Variants in VWA8 observed in about 807,000 individuals in gnomAD.
The protein encoded by VWA8 is von Willebrand factor A domain containing 8, also known as von Willebrand factor A domain-containing protein 8.
VWA8 carries 221 observed loss-of-function variants against 241.5 expected under a neutral mutation model. That is an observed-to-expected ratio of 0.91 (90% confidence interval 0.82 to 1.02). VWA8 has a LOEUF of 1.02. Among genes scored for constraint, VWA8 ranks in the 50% least tolerant of loss-of-function variants. VWA8 has a pLI of 0.00. For synonymous variants in VWA8, 852 were observed against 827.1 expected (o/e 1.03, Z -0.52); for missense variants, 2,322 against 2,328.7 (o/e 1.00, Z 0.06).
intron 2 of VWA8, among the ~76,000 whole-genome samples, chr13:41,939,025 C>T (rs1877476711): frequency 6.6e-6 from 1 of 152,156 alleles, no homozygotes; most frequent in African/African-American, 2.4e-5. Flanking sequence ...TGTCAAAACT[C>T]ACCATTTAAA....
chr13:41,696,116 A>G (rs1769391115), intron 29 of VWA8: 1 of 152,228 alleles, frequency 6.6e-6, no homozygotes, highest in African/African-American at 2.4e-5. Flanking sequence ...CAATGGCATC[A>G]ATACTTTGTT....
chr13:41,593,609 C>G (rs950568205), intron 40 of VWA8, among the ~76,000 whole-genome samples: 4 of 152,194 alleles, frequency 2.6e-5, no homozygotes, highest in Non-Finnish European at 5.9e-5. Context: ...CATTTCTGTT[C>G]TCTAGTGTGG....
intron 7 of VWA8, 95 bp from the exon 8 acceptor site, chr13:41,886,123 A>G: frequency 1.2e-6 from 1 of 808,232 alleles, no homozygotes; most frequent in Non-Finnish European, 1.9e-6. Context: ...AATTAATCTA[A>G]AAAAGATCCC....
intron 12 of VWA8, among the ~76,000 whole-genome samples, chr13:41,855,894 T>G (rs1322840520): frequency 6.6e-6 from 1 of 152,238 alleles, no homozygotes; most frequent in Non-Finnish European, 1.5e-5. Flanking sequence ...TGTCTGCTTT[T>G]CTACTATAAT....
At position 41,833,416 on chromosome 13, in the gene VWA8, T is replaced by C. The variant is rs1490660402; in HGVS notation, c.1541A>G (p.Asp514Gly). The C allele has an allele frequency of 6.2e-7, 1 of 1,613,858 alleles. No homozygotes were observed. Among genetic ancestry groups the C allele is most frequent in the Non-Finnish European group, 8.5e-7 (1 of 1,179,914 alleles). Residue 514 changes from aspartate to glycine, a missense_variant, in exon 13 of 45, where the codon GAT (aspartate) becomes GGT (glycine). By Grantham distance (94) the Asp-to-Gly change is moderately conservative (BLOSUM62 -1). Transcript: ENST00000379310. Reference protein sequence around the residue: ...AALEGKLVLLDGIHRVNAGTL... With the variant: ...AALEGKLVLLGGIHRVNAGTL... ...GCCCGCATTCACCCGGTGAATGCCA[T>C]CCAGCAGGACCAGCTTGCCTTCCAG...
intron 9 of VWA8, among the ~76,000 whole-genome samples, chr13:41,875,322 CT>C (rs1184618258): frequency 2.6e-5 from 4 of 152,032 alleles, no homozygotes; most frequent in Non-Finnish European, 5.9e-5. Flanking sequence ...TGAAAATGTC[CT>C]TTTCCACCTC....
At chr13:41,758,062 A>T (rs2045706561) in intron 21 of VWA8, among the ~76,000 whole-genome samples, 1 of 151,396 alleles carries the variant, frequency 6.6e-6, no homozygotes, top group Non-Finnish European at 1.5e-5. Flanking sequence ...AACACTATAT[A>T]GCAGAGATAC....
Position 41,945,857 on chromosome 13 carries a change from T to C in VWA8, c.241+4079A>G, listed in dbSNP as rs1047705374. Among the ~76,000 whole-genome samples the C allele has an allele frequency of 2.9e-4, 44 of 151,856 alleles. 1 individual carries two copies. The highest frequency in any genetic ancestry group is 1.1e-3 in the African/African-American group (44 of 41,414). On this transcript the variant is annotated intron_variant, in intron 2 of 44. Coordinates refer to ENST00000379310, the MANE Select transcript of VWA8 (RefSeq NM_015058.2). Reference sequence around the variant, plus strand: ...AGAATAAATAAATAATAATGAAAAATAATAGCCAAAATTTTGCCAACTTCG... The same window carrying C: ...AGAATAAATAAATAATAATGAAAAACAATAGCCAAAATTTTGCCAACTTCG...
intron 37 of VWA8, among the ~76,000 whole-genome samples, chr13:41,637,859 A>G (rs1163288051): frequency 6.6e-6 from 1 of 152,206 alleles, no homozygotes; most frequent in Non-Finnish European, 1.5e-5. Flanking sequence ...TTTTAAAAAT[A>G]ATTTAACTGC....
chr13:41,689,245 G>A (rs2045158494), intron 34 of VWA8, 109 bp downstream of exon 34: 2 of 1,215,396 alleles, frequency 1.6e-6, no homozygotes, highest in African/African-American at 1.5e-5. Flanking sequence ...GATCCAACAT[G>A]TTTACCAGGA....
At chr13:41,619,648 A>G (rs1486398134) in intron 37 of VWA8, among the ~76,000 whole-genome samples, 1 of 152,146 alleles carries the variant, frequency 6.6e-6, no homozygotes, top group African/African-American at 2.4e-5. Context: ...CGTTCCATCA[A>G]TATCTAGTTT....
chr13:41,875,494 T>C (rs148577231), intron 9 of VWA8, among the ~76,000 whole-genome samples: 1 of 152,204 alleles, frequency 6.6e-6, no homozygotes, highest in East Asian at 1.9e-4. Flanking sequence ...CATTGATACA[T>C]ATGAATTATA....
chr13:41,630,791 A>G (rs2044721231), intron 37 of VWA8, among the ~76,000 whole-genome samples: 1 of 152,234 alleles, frequency 6.6e-6, no homozygotes, highest in Non-Finnish European at 1.5e-5. Flanking sequence ...CTGATGTAGT[A>G]GTTGTTAACA....
At chr13:41,663,682 T>C (rs2044967297) in intron 37 of VWA8, among the ~76,000 whole-genome samples, 1 of 151,944 alleles carries the variant, frequency 6.6e-6, no homozygotes, top group Non-Finnish European at 1.5e-5. Flanking sequence ...CATTTTTTTC[T>C]CCCCTCATTC....
At chr13:41,618,874 T>C (rs907491210) in intron 37 of VWA8, among the ~76,000 whole-genome samples, 5 of 152,250 alleles carry the variant, frequency 3.3e-5, no homozygotes, top group Admixed American at 2.6e-4. Flanking sequence ...TTGATTACTG[T>C]AGCCTTGTAG....
chr13:41,831,387 G>T (rs931844661), intron 13 of VWA8, among the ~76,000 whole-genome samples: 1 of 152,128 alleles, frequency 6.6e-6, no homozygotes, highest in African/African-American at 2.4e-5. Flanking sequence ...GAGGGAGAAC[G>T]ACTCTATCTC....
chr13:41,960,465 T>G (rs556980495), intron 1 of VWA8, among the ~76,000 whole-genome samples: 1 of 152,326 alleles, frequency 6.6e-6, no homozygotes, highest in East Asian at 1.9e-4. Context: ...TTCCAGGCCC[T>G]TGAGGCTCAG....
At chr13:41,837,229 T>C (rs1393204594) in intron 12 of VWA8, among the ~76,000 whole-genome samples, 1 of 152,104 alleles carries the variant, frequency 6.6e-6, no homozygotes, top group African/African-American at 2.4e-5. Flanking sequence ...TAATAAACCT[T>C]TGCATCAAAA....
At chr13:41,612,611 T>A (rs933577638) in intron 38 of VWA8, among the ~76,000 whole-genome samples, 2 of 152,158 alleles carry the variant, frequency 1.3e-5, no homozygotes, top group Non-Finnish European at 2.9e-5. Context: ...AAAAAACACA[T>A]CTGTTGGCTA....
Sources: gnomAD v4.1 joint callset for allele counts (sites outside exome capture counted in the v4.1 genomes callset) on GRCh38, gnomAD v4.1.1 for gene constraint, MANE v1.5 for transcripts, NCBI Gene and HGNC (gene_info 2026-07-23, HGNC 2026-07-21) for gene names.